The following NRDE2 variants were observed in gnomAD, a reference collection of about 807,000 sequenced individuals.
The protein encoded by NRDE2 is nuclear exosome regulator NRDE2.
Under a neutral mutation model 124.2 loss-of-function variants are expected in NRDE2, and 76 were observed. That is an observed-to-expected ratio of 0.61 (90% CI 0.51 to 0.74). The LOEUF is 0.74. NRDE2 is among the 30% of genes least tolerant of loss of function. The pLI, the probability that NRDE2 is intolerant of heterozygous loss-of-function variation, is 0.00. For synonymous variants in NRDE2, 489 were observed against 528.1 expected (o/e 0.93, Z 1.01); for missense variants, 1,314 against 1,417.3 (o/e 0.93, Z 1.17).
At position 90,272,140 on chromosome 14, in the gene NRDE2, T is replaced by C; in HGVS notation, c.*6196A>G. The stretch of plus-strand genomic sequence containing the variant: ...AACTCCTGACCTTAGGCGATCCACC[T>C]GCCTCGGCCTCCCAGAGTGCTGGGA... On this transcript the variant is annotated 3_prime_UTR_variant, in exon 14 of 14. Transcript: ENST00000354366. This position sits in a 1 kb window ranked among gnomAD's most constrained non-coding sequence, Gnocchi z 4.5. 1 of 917,090 alleles carries C rather than the reference T, an allele frequency of 1.1e-6. No individual in the cohort carries two copies. The highest frequency in any genetic ancestry group is 1.6e-5 in the South Asian group (1 of 63,462). 56.8% of individuals were successfully genotyped at this position (917,090 alleles called of 1,614,324 possible). A position where few individuals can be genotyped will look rare whatever the true frequency, so the allele number is the denominator to read the frequency against.
chr14:90,294,755 T>A (rs945429473), intron 8 of NRDE2, among the ~76,000 whole-genome samples: 4 of 151,994 alleles, frequency 2.6e-5, no homozygotes, highest in African/African-American at 9.7e-5. Flanking sequence ...TCGATAGAGG[T>A]GATGGCTGCA....
At chr14:90,301,199 G>T (rs1210181960) in intron 7 of NRDE2, 40 bp downstream of exon 7, 19 of 1,603,176 alleles carry the variant, frequency 1.2e-5, no homozygotes, top group African/African-American at 1.1e-4. Context: ...TCCAGAGAAA[G>T]AGCCAGGAAG....
intron 13 of NRDE2, chr14:90,278,668 C>T: frequency 1.7e-6 from 1 of 588,374 alleles, no homozygotes. Context: ...GAGCAAACGC[C>T]AAGCGAGGCC....
At chr14:90,312,705 G>C (rs1884890966) in intron 3 of NRDE2, among the ~76,000 whole-genome samples, 162 bp from the exon 4 acceptor site, 1 of 152,094 alleles carries the variant, frequency 6.6e-6, no homozygotes, top group Non-Finnish European at 1.5e-5. Flanking sequence ...AGATGGAAGA[G>C]GACTCTAGCT....
chr14:90,290,965 T>C (rs930930767), intron 9 of NRDE2, among the ~76,000 whole-genome samples: 1 of 152,254 alleles, frequency 6.6e-6, no homozygotes, highest in African/African-American at 2.4e-5. Flanking sequence ...ATTGCTTTTG[T>C]ACTTTGATAA....
intron 4 of NRDE2, among the ~76,000 whole-genome samples, chr14:90,310,799 T>C (rs1269539398): frequency 6.6e-6 from 1 of 152,194 alleles, no homozygotes; most frequent in African/African-American, 2.4e-5. Context: ...CCACCATGCC[T>C]AGCCCAGCTG....
rs747056242 is a variant in NRDE2 at position 90,290,507 on chromosome 14, G to C, written c.1943C>G (p.Ser648Cys). Residue 648 changes from serine (S) to cysteine (C), a missense_variant, in exon 10 of 14, where the codon TCT becomes TGT. Physicochemically the swap from Ser to Cys is moderately radical, Grantham distance 112 (BLOSUM62 -1). Coordinates refer to ENST00000354366, the MANE Select transcript of NRDE2 (RefSeq NM_017970.4). ...EAFLQFLGVPSGFTPPASCLY... is the reference protein window; with the variant it reads ...EAFLQFLGVPCGFTPPASCLY... ...ACAGGAGGCTGGAGGAGTAAAGCCA[G>C]AAGGCACACCCAAGAACTGCAGGAA... 1.2e-6 allele frequency: 2 copies of C among 1,614,040 alleles called. No homozygotes were observed. Among genetic ancestry groups the C allele is most frequent in the South Asian group, 2.2e-5 (2 of 91,078 alleles).
At chr14:90,304,422 G>C in intron 4 of NRDE2, 40 bp from the exon 5 acceptor site, 2 of 1,434,886 alleles carry the variant, frequency 1.4e-6, no homozygotes, top group Non-Finnish European at 1.9e-6. Flanking sequence ...GAGGGAATAC[G>C]TGTACTACCT....
At chr14:90,299,323 C>T (rs1231414647) in intron 7 of NRDE2, among the ~76,000 whole-genome samples, 1 of 152,120 alleles carries the variant, frequency 6.6e-6, no homozygotes, top group Admixed American at 6.5e-5. Flanking sequence ...GCTGGGATTA[C>T]AAGCCTAAAC....
chr14:90,304,945 A>G (rs1392437714), intron 4 of NRDE2, among the ~76,000 whole-genome samples: 1 of 152,232 alleles, frequency 6.6e-6, no homozygotes, highest in Non-Finnish European at 1.5e-5. Flanking sequence ...CTCTAGAGGA[A>G]AAGAGGTTGG....
chr14:90,309,660 C>G (rs911240406), intron 4 of NRDE2, among the ~76,000 whole-genome samples: 3 of 152,134 alleles, frequency 2.0e-5, no homozygotes, highest in African/African-American at 7.2e-5. Flanking sequence ...GCTGTTGCTT[C>G]TCTCAAAAGC....
Position 90,269,788 on chromosome 14 carries a change from C to T in NRDE2, c.*8548G>A, listed in dbSNP as rs550332472. On this transcript the variant is annotated 3_prime_UTR_variant, in exon 14 of 14. Coordinates refer to ENST00000354366, the MANE Select transcript of NRDE2 (RefSeq NM_017970.4). ...CTTGTCTTTTCTTTTCCATAACATT[C>T]CCTTTTTAGCCTCAAGAACTTGCTG... is the stretch of plus-strand genomic sequence containing the variant. 261 of 432,576 alleles carry T rather than the reference C, an allele frequency of 6.0e-4. 1 individual carries two copies. Among genetic ancestry groups the T allele is most frequent in the African/African-American group, 5.0e-3 (248 of 49,510 alleles). The allele number at this position is 432,576 out of a possible 1,614,324, so 26.8% of individuals were successfully genotyped here. A position where few individuals can be genotyped will look rare whatever the true frequency, so the allele number is the denominator to read the frequency against.
At chr14:90,299,868 C>T (rs1167646436) in intron 7 of NRDE2, among the ~76,000 whole-genome samples, 2 of 152,106 alleles carry the variant, frequency 1.3e-5, no homozygotes, top group African/African-American at 2.4e-5. Flanking sequence ...TCCACAGAAA[C>T]GCAGACCAGT....
rs1487875240 is a variant in NRDE2 at position 90,288,769 on chromosome 14, A to G, written c.2606T>C (p.Val869Ala). ...YGPYTGQVLA[V>A]HILKARKAYE... is the part of the protein sequence containing the mutation. ...AGCCTTTCGCGCTTTCAAAATGTGA[A>G]CAGCCAACACCTGTCCAGTGTAGGG... Residue 869 changes from valine (V) to alanine (A), a missense_variant, in exon 11 of 14, where the codon GTT becomes GCT. Transcript: ENST00000354366. 1.9e-6 allele frequency: 3 copies of G among 1,613,950 alleles called. No homozygotes were observed. The highest frequency in any genetic ancestry group is 1.7e-5 in the Admixed American group (1 of 59,998).
Position 90,288,203 on chromosome 14 carries a change from C to T in NRDE2, c.3158+14G>A, listed in dbSNP as rs560254766. On this transcript the variant is annotated intron_variant, in intron 11 of 13. Transcript: ENST00000354366. ...ACATTTGCGGGGCACACGAACAGAA[C>T]GGTCTGGAATTACCTCTGGACAGTT... The T allele has an allele frequency of 1.1e-5, 18 of 1,604,884 alleles. No homozygotes were observed. The highest frequency in any genetic ancestry group is 1.7e-4 in the Middle Eastern group (1 of 5,998).
intron 12 of NRDE2, among the ~76,000 whole-genome samples, chr14:90,284,708 T>C (rs1892052248): frequency 6.6e-6 from 1 of 152,082 alleles, no homozygotes; most frequent in African/African-American, 2.4e-5. Flanking sequence ...ACAATATTCA[T>C]TGAAGACCAC....
chr14:90,298,871 T>G (rs1884282672), intron 7 of NRDE2, among the ~76,000 whole-genome samples: 1 of 152,100 alleles, frequency 6.6e-6, no homozygotes, highest in Non-Finnish European at 1.5e-5. Context: ...TTCAAGATAT[T>G]TTGAGAGGAA....
intron 3 of NRDE2, among the ~76,000 whole-genome samples, chr14:90,313,255 T>G (rs1197531003): frequency 1.3e-5 from 2 of 151,708 alleles, no homozygotes; most frequent in African/African-American, 4.8e-5. Flanking sequence ...GCCTCCTGAG[T>G]AGCTGGGACT....
Position 90,276,282 on chromosome 14 carries a change from G to C in NRDE2, c.*2054C>G, listed in dbSNP as rs1403063143. 6.7e-6 allele frequency: 1 copy of C among 148,440 alleles called. No individual in the cohort carries two copies. Among genetic ancestry groups the C allele is most frequent in the Admixed American group, 6.8e-5 (1 of 14,748 alleles). 9.2% of individuals were successfully genotyped at this position (148,440 alleles called of 1,614,324 possible). A position where few individuals can be genotyped will look rare whatever the true frequency, so the allele number is the denominator to read the frequency against. On this transcript the variant is annotated 3_prime_UTR_variant, in exon 14 of 14. Coordinates refer to ENST00000354366, the MANE Select transcript of NRDE2 (RefSeq NM_017970.4). ...CGCCCAGGCTGGAGTGCAGTGGCGC[G>C]ATCTTGGCTCACTGCAAGCTCTGCC...
Sources: gnomAD v4.1 joint callset for allele counts (sites outside exome capture counted in the v4.1 genomes callset) on GRCh38, gnomAD v4.1.1 for gene constraint, Gnocchi (gnomAD v3.1) non-coding constraint, MANE v1.5 for transcripts, NCBI Gene and HGNC (gene_info 2026-07-23, HGNC 2026-07-21) for gene names.